The following GABRB3 variants were observed in gnomAD, a reference collection of about 807,000 sequenced individuals.
GABRB3 encodes the protein gamma-aminobutyric acid type A receptor subunit beta3.
In GABRB3, 14 loss-of-function variants were observed where a neutral mutation model predicts 52.1. The observed-to-expected ratio is 0.27, with a 90% CI of 0.18 to 0.42. The LOEUF is 0.42. Among genes scored for constraint, GABRB3 ranks in the 10% least tolerant of loss-of-function variants. GABRB3 has a pLI of 1.00. For missense variants in GABRB3, 307 were observed against 609.1 expected, an observed-to-expected ratio of 0.50 and a Z score of 5.22; for synonymous variants, 260 against 232.3, an observed-to-expected ratio of 1.12 and a Z score of -1.08.
chr15:26,547,485 T>C lies in GABRB3; in HGVS notation c.*308A>G, dbSNP rs937925295. On this transcript the variant is annotated 3_prime_UTR_variant, in exon 9 of 9. Coordinates refer to ENST00000311550, the MANE Select transcript of GABRB3 (RefSeq NM_000814.6). ...CCTTTCAATTAAAAAAGAAAAAAACTATGACTTTCTTTAATATGCATCCTG... is the reference window on the plus strand; with the variant it reads ...CCTTTCAATTAAAAAAGAAAAAAACCATGACTTTCTTTAATATGCATCCTG... 28 of 489,674 alleles carry C rather than the reference T, an allele frequency of 5.7e-5. 2 individuals are homozygous for C. The highest frequency in any genetic ancestry group is 1.1e-5 in the Non-Finnish European group (3 of 280,660). The allele number at this position is 489,674 out of a possible 1,614,324, so 30.3% of individuals were successfully genotyped here.
intron 3 of GABRB3, among the ~76,000 whole-genome samples, chr15:26,768,350 A>G (rs1891053160): frequency 6.6e-6 from 1 of 152,204 alleles, no homozygotes; most frequent in Non-Finnish European, 1.5e-5. Flanking sequence ...CTAATACCAG[A>G]TAGTTAATGA....
chr15:26,618,740 A>C (rs1303096776), intron 4 of GABRB3, among the ~76,000 whole-genome samples: 2 of 152,030 alleles, frequency 1.3e-5, no homozygotes, highest in Admixed American at 1.3e-4. Flanking sequence ...AACCTACAAA[A>C]TGGGAGAAAA....
intron 3 of GABRB3, among the ~76,000 whole-genome samples, chr15:26,634,429 C>T (rs1331533500): frequency 6.6e-6 from 1 of 152,146 alleles, no homozygotes; most frequent in African/African-American, 2.4e-5. Context: ...CCACTATGTT[C>T]TGTCGATACT....
intron 8 of GABRB3, among the ~76,000 whole-genome samples, 172 bp downstream of exon 8, chr15:26,560,760 C>G (rs1289406471): frequency 6.6e-6 from 1 of 152,086 alleles, no homozygotes; most frequent in African/African-American, 2.4e-5. Context: ...TTGAGCAACC[C>G]CTGAATAAAA....
At chr15:26,589,067 A>G (rs1055421254) in intron 4 of GABRB3, among the ~76,000 whole-genome samples, 4 of 152,224 alleles carry the variant, frequency 2.6e-5, no homozygotes, top group Admixed American at 2.0e-4. Context: ...CGCCTGAGTC[A>G]AGGATGTCAA....
Position 26,660,800 on chromosome 15 carries a change from T to C in GABRB3, c.241-39266A>G, listed in dbSNP as rs149094183. On this transcript the variant is annotated intron_variant, in intron 3 of 8. Coordinates refer to ENST00000311550, the MANE Select transcript of GABRB3 (RefSeq NM_000814.6). Reference sequence around the variant, plus strand: ...AAGTGAGATGCCAAGTGCCCACATCTGGAAATTATAATGAATTATAAAGAT... The same window carrying C: ...AAGTGAGATGCCAAGTGCCCACATCCGGAAATTATAATGAATTATAAAGAT... Among the ~76,000 whole-genome samples, 1,219 of 152,294 alleles carry C rather than the reference T, an allele frequency of 8.0e-3. 18 individuals are homozygous for C. The highest frequency in any genetic ancestry group is 0.028 in the African/African-American group (1,166 of 41,562).
At chr15:26,606,788 CTATA>C (rs71460441) in intron 4 of GABRB3, among the ~76,000 whole-genome samples, 15 of 115,200 alleles carry the variant, frequency 1.3e-4, no homozygotes, top group African/African-American at 3.6e-4. Context: ...ATAGATATAT[CTATA>C]GATAGATATA....
intron 3 of GABRB3, among the ~76,000 whole-genome samples, chr15:26,706,858 C>T (rs935031016): frequency 6.6e-6 from 1 of 152,170 alleles, no homozygotes; most frequent in African/African-American, 2.4e-5. Context: ...GGAGTCTCAG[C>T]CTCCCAGCCA....
At chr15:26,745,773 T>C (rs1040030587) in intron 3 of GABRB3, among the ~76,000 whole-genome samples, 1 of 152,210 alleles carries the variant, frequency 6.6e-6, no homozygotes, top group African/African-American at 2.4e-5. Context: ...GCCATCCAAT[T>C]TGGTGCCTGT....
intron 3 of GABRB3, among the ~76,000 whole-genome samples, chr15:26,704,746 G>T (rs539047447): frequency 5.3e-5 from 8 of 152,276 alleles, no homozygotes; most frequent in African/African-American, 1.9e-4. Context: ...ATTCTTAGCT[G>T]CCTTATAACA....
intron 3 of GABRB3, among the ~76,000 whole-genome samples, chr15:26,675,871 T>C (rs1027770562): frequency 6.6e-6 from 1 of 152,106 alleles, no homozygotes; most frequent in Admixed American, 6.5e-5. Flanking sequence ...CAGTCAGATA[T>C]CCAGGGTTGG....
intron 3 of GABRB3, among the ~76,000 whole-genome samples, chr15:26,635,557 T>C (rs930754544): frequency 2.6e-5 from 4 of 152,198 alleles, no homozygotes; most frequent in Admixed American, 2.6e-4. Flanking sequence ...GACGTTTATT[T>C]ATCAGGAGGA....
chr15:26,603,353 T>C (rs943107302), intron 4 of GABRB3, among the ~76,000 whole-genome samples: 6 of 152,122 alleles, frequency 3.9e-5, no homozygotes, highest in Admixed American at 1.3e-4. Context: ...ATGTAAATCA[T>C]ACTCAAACTG....
chr15:26,647,819 G>A (rs1887057367), intron 3 of GABRB3, among the ~76,000 whole-genome samples: 1 of 152,176 alleles, frequency 6.6e-6, no homozygotes, highest in African/African-American at 2.4e-5. Context: ...GCCAGCACTA[G>A]GGACAATTTG....
intron 4 of GABRB3, among the ~76,000 whole-genome samples, chr15:26,585,337 G>A (rs969762427): frequency 9.9e-5 from 15 of 152,134 alleles, no homozygotes; most frequent in African/African-American, 3.1e-4. Flanking sequence ...AGCTTTTTCT[G>A]AATGATCTTC....
At chr15:26,738,808 T>C (rs1890130858) in intron 3 of GABRB3, among the ~76,000 whole-genome samples, 1 of 152,198 alleles carries the variant, frequency 6.6e-6, no homozygotes, top group Admixed American at 6.5e-5. Flanking sequence ...CTCCCTGAGC[T>C]ATCTCAGCCT....
At chr15:26,758,929 C>T (rs1890735859) in intron 3 of GABRB3, among the ~76,000 whole-genome samples, 2 of 152,088 alleles carry the variant, frequency 1.3e-5, no homozygotes, top group Admixed American at 6.6e-5. Context: ...AACAGGATTC[C>T]ATCTACAGCG....
chr15:26,667,843 A>C (rs1887764331), intron 3 of GABRB3, among the ~76,000 whole-genome samples: 1 of 152,192 alleles, frequency 6.6e-6, no homozygotes, highest in Admixed American at 6.5e-5. Flanking sequence ...GGCATGCTCA[A>C]GCATGAGAAC....
intron 3 of GABRB3, among the ~76,000 whole-genome samples, chr15:26,681,374 C>T (rs946498990): frequency 1.3e-5 from 2 of 152,054 alleles, no homozygotes; most frequent in Admixed American, 6.5e-5. Flanking sequence ...GATATTCTGC[C>T]CCCCCGTATG....
Sources: gnomAD v4.1 joint callset for allele counts (sites outside exome capture counted in the v4.1 genomes callset) on GRCh38, gnomAD v4.1.1 for gene constraint, MANE v1.5 for transcripts, NCBI Gene and HGNC (gene_info 2026-07-23, HGNC 2026-07-21) for gene names.